MAP6: variants seen among roughly 807,000 people sequenced by gnomAD.
MAP6 encodes microtubule-associated protein 6.
A neutral mutation model predicts 42.4 loss-of-function variants in MAP6; 26 were observed. That is an observed-to-expected ratio of 0.61 (90% CI 0.45 to 0.85). MAP6 has a LOEUF of 0.85. Ranked by LOEUF, MAP6 falls within the 40% of genes least tolerant of loss-of-function variation. The probability of loss-of-function intolerance (pLI) is 0.00; values close to 1 mark genes in which losing one functional copy is unlikely to be tolerated. For missense variants in MAP6, 966 were observed against 1,099.0 expected, an observed-to-expected ratio of 0.88 and a Z score of 1.71; for synonymous variants, 418 against 443.8, an observed-to-expected ratio of 0.94 and a Z score of 0.73.
intron 3 of MAP6, chr11:75,605,370 T>G (rs1427695181): frequency 6.1e-6 from 6 of 987,978 alleles, no homozygotes; most frequent in Non-Finnish European, 7.2e-6. Flanking sequence ...CTGTGGCACA[T>G]GACGATTCTC....
Position 75,608,313 on chromosome 11 carries a change from G to A in MAP6, c.915C>T (p.Phe305=). Residue 305 remains phenylalanine, a synonymous_variant, in exon 2 of 4, where the codon TTC becomes TTT. Coordinates refer to ENST00000304771, the MANE Select transcript of MAP6 (RefSeq NM_033063.2). Reference sequence around the variant, plus strand: ...CAGGCTTGATGTCCGTCCATGCCCTGAATTCATTCCTGTTAGTCAAAGAAA... The same window carrying A: ...CAGGCTTGATGTCCGTCCATGCCCTAAATTCATTCCTGTTAGTCAAAGAAA... The part of the protein sequence containing the change: ...SAVSSSYRNE[F]RAWTDIKPVK... 6.2e-7 allele frequency: 1 copy of A among 1,613,958 alleles called. No individual in the cohort carries two copies. The highest frequency in any genetic ancestry group is 8.5e-7 in the Non-Finnish European group (1 of 1,179,858).
chr11:75,587,871 C>A lies in MAP6; in HGVS notation c.1630G>T (p.Val544Phe). 1 of 1,614,166 alleles carries A rather than the reference C, an allele frequency of 6.2e-7. No homozygotes were observed. The highest frequency in any genetic ancestry group is 8.5e-7 in the Non-Finnish European group (1 of 1,180,024). Residue 544 changes from valine to phenylalanine, a missense_variant, in exon 4 of 4, where the codon GTT becomes TTT. Coordinates refer to ENST00000304771, the MANE Select transcript of MAP6 (RefSeq NM_033063.2). ...PVPPKNQSPM[V>F]PAKVKDQGSV... is the part of the protein sequence containing the mutation. ...CCTTGATCCTTAACTTTTGCTGGAA[C>A]CATAGGACTTTGATTCTTTGGAGGA...
intron 1 of MAP6, among the ~76,000 whole-genome samples, chr11:75,644,452 C>G (rs1487517526): frequency 6.6e-6 from 1 of 152,126 alleles, no homozygotes; most frequent in Non-Finnish European, 1.5e-5. Flanking sequence ...GTGTCAGGTA[C>G]TAATCCAAGC....
At chr11:75,612,831 G>A (rs949119512) in intron 1 of MAP6, among the ~76,000 whole-genome samples, 8 of 152,140 alleles carry the variant, frequency 5.3e-5, no homozygotes, top group African/African-American at 1.9e-4. Context: ...AACCTCTCCT[G>A]GGTTACTCAA....
chr11:75,622,950 T>C (rs891958350), intron 1 of MAP6, among the ~76,000 whole-genome samples: 1 of 152,220 alleles, frequency 6.6e-6, no homozygotes, highest in Non-Finnish European at 1.5e-5. Context: ...ACAGTATTCA[T>C]ATCAGGAAAT....
At chr11:75,635,226 G>GAA (rs1461695960) in intron 1 of MAP6, among the ~76,000 whole-genome samples, 5 of 152,200 alleles carry the variant, frequency 3.3e-5, no homozygotes, top group African/African-American at 1.2e-4. Flanking sequence ...GAGCCGGCCT[G>GAA]AAGTCCTCGT....
intron 1 of MAP6, among the ~76,000 whole-genome samples, chr11:75,611,359 C>T (rs545912076): frequency 2.0e-5 from 3 of 152,368 alleles, no homozygotes; most frequent in South Asian, 4.1e-4. Context: ...TGCAGACCAA[C>T]CTCTGCAGCC....
At chr11:75,606,117 G>T in intron 2 of MAP6, 113 bp from the exon 3 acceptor site, 1 of 1,319,422 alleles carries the variant, frequency 7.6e-7, no homozygotes, top group Non-Finnish European at 1.0e-6. Context: ...ACAGAGGTTG[G>T]CTCAGGTGGA....
At chr11:75,611,677 C>G (rs1942900014) in intron 1 of MAP6, among the ~76,000 whole-genome samples, 1 of 152,064 alleles carries the variant, frequency 6.6e-6, no homozygotes. Context: ...TCCATAAAAC[C>G]TTCTCTAATC....
At position 75,606,474 on chromosome 11, in the gene MAP6, G is replaced by T. The variant is rs1942777715; in HGVS notation, c.1120-470C>A. ...TTTTCCTCTGCCACAGAGACAGGCT[G>T]CTCTGCCACCCAAGACCCAGATGGA... On this transcript the variant is annotated intron_variant, in intron 2 of 3. Coordinates refer to ENST00000304771, the MANE Select transcript of MAP6 (RefSeq NM_033063.2). Among the ~76,000 whole-genome samples the T allele has an allele frequency of 3.9e-5, 6 of 152,318 alleles. No homozygotes were observed. The South Asian group carries it at 1.2e-3, about 32-fold the overall frequency.
At chr11:75,593,066 GCTACAGGCTCTC>G (rs1942508951) in intron 3 of MAP6, among the ~76,000 whole-genome samples, 1 of 152,218 alleles carries the variant, frequency 6.6e-6, no homozygotes, top group Admixed American at 6.5e-5. Flanking sequence ...CCAGCCCCCT[GCTACAGGCTCTC>G]CTAGTCCCTG....
chr11:75,616,922 T>C (rs1477644839), intron 1 of MAP6, among the ~76,000 whole-genome samples: 1 of 152,018 alleles, frequency 6.6e-6, no homozygotes, highest in Non-Finnish European at 1.5e-5. Flanking sequence ...GGACGAAAAA[T>C]GGTCAAGTAT....
intron 1 of MAP6, among the ~76,000 whole-genome samples, chr11:75,612,035 G>A (rs889619050): frequency 6.6e-6 from 1 of 152,272 alleles, no homozygotes; most frequent in Admixed American, 6.5e-5. Flanking sequence ...GGCCTGGCCT[G>A]CTGCCTGCAA....
intron 1 of MAP6, among the ~76,000 whole-genome samples, chr11:75,666,612 T>C (rs1330888313): frequency 6.6e-6 from 1 of 152,216 alleles, no homozygotes; most frequent in African/African-American, 2.4e-5. Flanking sequence ...ATGTACTAAT[T>C]ACCACTATGT....
At chr11:75,621,122 C>T (rs1943102677) in intron 1 of MAP6, among the ~76,000 whole-genome samples, 1 of 149,930 alleles carries the variant, frequency 6.7e-6, no homozygotes, top group Non-Finnish European at 1.5e-5. Flanking sequence ...CAGAGTGAGA[C>T]TCCATCTCAA....
intron 1 of MAP6, among the ~76,000 whole-genome samples, chr11:75,646,948 T>G (rs563308426): frequency 8.6e-5 from 13 of 151,590 alleles, no homozygotes; most frequent in Middle Eastern, 3.4e-3. Context: ...AAGAAAAACA[T>G]GGAAATTGGG....
intron 1 of MAP6, among the ~76,000 whole-genome samples, chr11:75,615,196 A>G (rs1179817046): frequency 6.6e-6 from 1 of 152,240 alleles, no homozygotes. Context: ...GTTACTAGAA[A>G]GAGAACTGGC....
At chr11:75,645,190 C>T (rs1055241883) in intron 1 of MAP6, among the ~76,000 whole-genome samples, 3 of 152,106 alleles carry the variant, frequency 2.0e-5, no homozygotes, top group Non-Finnish European at 2.9e-5. Context: ...TCAGCTCTAA[C>T]GGCAAGGCAA....
chr11:75,644,168 C>T (rs12283717), intron 1 of MAP6, among the ~76,000 whole-genome samples: 2,536 of 152,194 alleles, frequency 0.017, 72 homozygotes, highest in African/African-American at 0.059. Context: ...AATACTCTTC[C>T]CAGGGCCTGA....
Sources: gnomAD v4.1 joint callset for allele counts (sites outside exome capture counted in the v4.1 genomes callset) on GRCh38, gnomAD v4.1.1 for gene constraint, MANE v1.5 for transcripts, NCBI Gene and HGNC (gene_info 2026-07-23, HGNC 2026-07-21) for gene names.